Variants in CPXM2 observed in about 807,000 individuals in gnomAD.
CPXM2 encodes carboxypeptidase X, M14 family member 2.
A neutral mutation model predicts 86.1 loss-of-function variants in CPXM2; 66 were observed. That is an observed-to-expected ratio of 0.77 (90% CI 0.63 to 0.94). The LOEUF (loss-of-function observed/expected upper bound fraction) is 0.94, where lower values mean the gene tolerates loss of function less well. Ranked by LOEUF, CPXM2 falls within the 40% of genes least tolerant of loss-of-function variation. CPXM2 has a pLI of 0.00. For missense variants in CPXM2, 948 were observed against 1,026.3 expected (o/e 0.92, Z 1.04); for synonymous variants, 388 against 400.2 (o/e 0.97, Z 0.36).
chr10:123,750,655 GCT>G (rs1255547572), intron 13 of CPXM2: 4 of 971,376 alleles, frequency 4.1e-6, no homozygotes, highest in Non-Finnish European at 4.9e-6. Context: ...TATTTGTTTT[GCT>G]CACCGCAGTA....
At chr10:123,814,691 G>A (rs1391078543) in intron 4 of CPXM2, among the ~76,000 whole-genome samples, 2 of 152,090 alleles carry the variant, frequency 1.3e-5, no homozygotes, top group East Asian at 1.9e-4. Flanking sequence ...CTAATAGTAT[G>A]GACAACACTG....
At chr10:123,857,398 C>T (rs954534385) in intron 3 of CPXM2, among the ~76,000 whole-genome samples, 1 of 151,912 alleles carries the variant, frequency 6.6e-6, no homozygotes, top group Non-Finnish European at 1.5e-5. Context: ...GGTCTAGAAG[C>T]AGAAGACTGA....
At chr10:123,768,384 TAA>T in intron 9 of CPXM2, 140 bp downstream of exon 9, 1 of 88,906 alleles carries the variant, frequency 1.1e-5, no homozygotes, top group African/African-American at 6.1e-5. Context: ...AAAAAATAAA[TAA>T]ATAAATAAAT....
chr10:123,864,810 T>C (rs1848942194), intron 2 of CPXM2, among the ~76,000 whole-genome samples: 1 of 152,154 alleles, frequency 6.6e-6, no homozygotes, highest in Admixed American at 6.5e-5. Flanking sequence ...AGTATTTTAA[T>C]TCAAAAAAGG....
chr10:123,837,867 C>G (rs775964574), intron 4 of CPXM2, among the ~76,000 whole-genome samples: 1 of 152,176 alleles, frequency 6.6e-6, no homozygotes, highest in Non-Finnish European at 1.5e-5. Flanking sequence ...GAGCTTGTGT[C>G]AGGACTGCGG....
intron 4 of CPXM2, among the ~76,000 whole-genome samples, chr10:123,829,259 G>C (rs1400436706): frequency 6.6e-6 from 1 of 152,188 alleles, no homozygotes; most frequent in African/African-American, 2.4e-5. Flanking sequence ...GGATCACTCA[G>C]ACATTGCTGG....
chr10:123,857,714 CGGA>C (rs1332349874), intron 3 of CPXM2, among the ~76,000 whole-genome samples: 1 of 152,088 alleles, frequency 6.6e-6, no homozygotes, highest in Non-Finnish European at 1.5e-5. Context: ...TAGGGCAAAA[CGGA>C]GAAGAACCTG....
intron 2 of CPXM2, among the ~76,000 whole-genome samples, chr10:123,916,551 T>C (rs1945534955): frequency 6.6e-6 from 1 of 152,174 alleles, no homozygotes; most frequent in Admixed American, 6.5e-5. Flanking sequence ...CTTTGAGTGG[T>C]GACTGAAGTC....
At position 123,799,125 on chromosome 10, in the gene CPXM2, G is replaced by C. The variant is rs1847399079; in HGVS notation, c.728C>G (p.Ser243Cys). 1.2e-6 allele frequency: 2 copies of C among 1,614,020 alleles called. No homozygotes were observed. The highest frequency in any genetic ancestry group is 2.7e-5 in the African/African-American group (2 of 74,944). Residue 243 changes from serine (S) to cysteine (C), a missense_variant, in exon 5 of 14, where the codon TCT becomes TGT. Ser to Cys is a moderately radical substitution (Grantham distance 112). Transcript: ENST00000241305. ...SHTWVTVKNG[S>C]GDMIFEGNSE... ...GAGGATGAGACTCACCATGTCTCCA[G>C]ATCCATTCTTAACAGTGACCCACGT...
intron 4 of CPXM2, among the ~76,000 whole-genome samples, chr10:123,823,172 C>T (rs570295916): frequency 2.6e-5 from 4 of 151,924 alleles, no homozygotes; most frequent in South Asian, 2.1e-4. Context: ...TATGTACCAT[C>T]GAAATAAAGG....
In CPXM2 at chr10:123,875,192, A is replaced by G. The variant is rs1192535883; in HGVS notation, c.403+5019T>C. On this transcript the variant is annotated intron_variant, in intron 2 of 13. Transcript: ENST00000241305. ...ACTCTCCACATTGTAAAGGAATGCT[A>G]TAAAATCCTTCAAAGGCACTTGTTT... Among the ~76,000 whole-genome samples, 4 of 152,250 alleles carry G rather than the reference A, an allele frequency of 2.6e-5. No individual in the cohort carries two copies. In the East Asian group the frequency reaches 7.7e-4, roughly 29 times the overall value.
rs1206962697 is a variant in CPXM2, at chr10:123,885,762, T to A, written c.305-5453A>T. Among the ~76,000 whole-genome samples, 1 of 152,182 alleles carries A rather than the reference T, an allele frequency of 6.6e-6. No individual in the cohort carries two copies. Among genetic ancestry groups the A allele is most frequent in the African/African-American group, 2.4e-5 (1 of 41,448 alleles). On this transcript the variant is annotated intron_variant, in intron 1 of 13. Transcript: ENST00000241305. The surrounding 1 kb of genome is among the most constrained non-coding windows in gnomAD (Gnocchi z 4.0). ...GCCAAGCCTGAATGCTCAGGCTCCCTGGACCCTCAGGGACATCCAGAGAAA... is the reference window on the plus strand; with the variant it reads ...GCCAAGCCTGAATGCTCAGGCTCCCAGGACCCTCAGGGACATCCAGAGAAA...
At chr10:123,830,418 G>A (rs2134129972) in intron 4 of CPXM2, among the ~76,000 whole-genome samples, 1 of 152,306 alleles carries the variant, frequency 6.6e-6, no homozygotes, top group Admixed American at 6.5e-5. Context: ...AACACCACCA[G>A]ATGTGGCAAG....
chr10:123,880,447 T>G, intron 1 of CPXM2, 138 bp from the exon 2 acceptor site: 1 of 602,030 alleles, frequency 1.7e-6, no homozygotes, highest in Non-Finnish European at 3.0e-6. Flanking sequence ...GGTCTTGGAC[T>G]TTAAGGAGTC....
chr10:123,830,872 C>CTCTCTCTCTGTGTGTGTGTGTG (rs1258897184), intron 4 of CPXM2, among the ~76,000 whole-genome samples: 7 of 142,716 alleles, frequency 4.9e-5, no homozygotes, highest in African/African-American at 1.9e-4. Flanking sequence ...CTCTCTCTCT[C>CTCTCTCTCTGTGTGTGTGTGTG]TGTGTGTGTG....
rs371837375 is a variant in CPXM2 at position 123,913,409 on chromosome 10, A to G, written n.174+26068T>C. ...CTCACCACTCTGTATTCTTTCCCTA[A>G]TGATTGTTTAGGGGGCATTGGCTTG... is the stretch of plus-strand genomic sequence containing the variant. On this transcript the variant is annotated intron_variant and non_coding_transcript_variant, in intron 2 of 19. Coordinates refer to the CPXM2 transcript ENST00000368854. 2.1e-3 allele frequency among the ~76,000 whole-genome samples: 323 copies of G among 152,256 alleles called. 1 individual carries two copies. Among genetic ancestry groups the G allele is most frequent in the African/African-American group, 7.3e-3 (305 of 41,536 alleles).
chr10:123,883,230 G>C (rs1312106357), intron 1 of CPXM2, among the ~76,000 whole-genome samples: 1 of 152,220 alleles, frequency 6.6e-6, no homozygotes, highest in African/African-American at 2.4e-5. Context: ...ATCAACATGT[G>C]GGGAACAGAC....
At chr10:123,791,978 G>A (rs1847216236) in intron 6 of CPXM2, among the ~76,000 whole-genome samples, 1 of 152,228 alleles carries the variant, frequency 6.6e-6, no homozygotes, top group Non-Finnish European at 1.5e-5. Context: ...GGCCAGGAGA[G>A]AAATCTGTGG....
At chr10:123,801,247 G>T (rs1394553709) in intron 4 of CPXM2, among the ~76,000 whole-genome samples, 1 of 152,082 alleles carries the variant, frequency 6.6e-6, no homozygotes, top group South Asian at 2.1e-4. Flanking sequence ...AAGACCTGAC[G>T]GTTTTGTAAA....
Sources: allele counts gnomAD v4.1 joint callset (sites outside exome capture counted in the v4.1 genomes callset), GRCh38; gene constraint gnomAD v4.1.1; non-coding constraint Gnocchi (gnomAD v3.1); transcripts MANE v1.5; gene names NCBI Gene and HGNC (gene_info 2026-07-23, HGNC 2026-07-21).